Variants in PSMA1 observed in about 807,000 individuals in gnomAD.
PSMA1 encodes the protein proteasome 20S subunit alpha 1, also known as proteasome subunit alpha type-1.
Under a neutral mutation model 38.4 loss-of-function variants are expected in PSMA1, and 3 were observed. That is an observed-to-expected ratio of 0.08 (90% confidence interval 0.04 to 0.20). PSMA1 has a LOEUF of 0.20. Among genes scored for constraint, PSMA1 ranks in the 10% least tolerant of loss-of-function variants. PSMA1 has a pLI of 1.00. For missense variants in PSMA1, 227 were observed against 325.3 expected (o/e 0.70, Z 2.32); for synonymous variants, 101 against 107.1 (o/e 0.94, Z 0.35).
At chr11:14,631,118 T>A (rs1267537486) in intron 1 of PSMA1, among the ~76,000 whole-genome samples, 3 of 152,044 alleles carry the variant, frequency 2.0e-5, no homozygotes, top group Non-Finnish European at 4.4e-5. Context: ...AAAAACCAGC[T>A]CCTGGATTCA....
At chr11:14,541,365 A>G (rs1851771531) in intron 2 of PSMA1, among the ~76,000 whole-genome samples, 1 of 152,164 alleles carries the variant, frequency 6.6e-6, no homozygotes, top group Non-Finnish European at 1.5e-5. Flanking sequence ...GGCTCAGTCT[A>G]TTCACCTAAG....
intron 9 of PSMA1, among the ~76,000 whole-genome samples, chr11:14,505,653 A>AC (rs1851233529): frequency 3.3e-5 from 5 of 152,018 alleles, no homozygotes; most frequent in Non-Finnish European, 7.3e-5. Flanking sequence ...GCCTAGAAAT[A>AC]TAAAAAAAAA....
rs113123522 is a variant in PSMA1, at chr11:14,545,878, T to C, written c.22-26837A>G. 6.4e-3 allele frequency among the ~76,000 whole-genome samples: 981 copies of C among 152,258 alleles called. 18 individuals carry two copies. Among genetic ancestry groups the C allele is most frequent in the African/African-American group, 0.023 (939 of 41,522 alleles). ...CCATGTGCCAATCTAAGCCTACACA[T>C]AGGAAGAGGTGAAAGATAGGGCAGA... On this transcript the variant is annotated intron_variant, in intron 2 of 10. Transcript: ENST00000418988.
intron 8 of PSMA1, among the ~76,000 whole-genome samples, chr11:14,509,296 C>G (rs1851300340): frequency 6.6e-6 from 1 of 152,110 alleles, no homozygotes; most frequent in Non-Finnish European, 1.5e-5. Context: ...TGGAGACATT[C>G]CCCCCTCACA....
At chr11:14,575,056 G>T (rs1852195255) in intron 2 of PSMA1, among the ~76,000 whole-genome samples, 1 of 152,080 alleles carries the variant, frequency 6.6e-6, no homozygotes, top group Non-Finnish European at 1.5e-5. Flanking sequence ...TAGTGATATG[G>T]ACAATGAAGT....
At chr11:14,638,565 ATATATATATATATATATATATTTTT>A in intron 1 of PSMA1, among the ~76,000 whole-genome samples, 1 of 14,220 alleles carries the variant, frequency 7.0e-5, no homozygotes, top group East Asian at 1.4e-3. Flanking sequence ...ATATATATAT[ATATATATATATATATATATATTTTT>A]TTTTTTTTTT....
At chr11:14,592,642 C>T (rs1852438007) in intron 2 of PSMA1, among the ~76,000 whole-genome samples, 1 of 152,146 alleles carries the variant, frequency 6.6e-6, no homozygotes, top group African/African-American at 2.4e-5. Flanking sequence ...GCCTGGGCCT[C>T]CCAAAGTGCT....
chr11:14,565,440 C>T (rs1025398385), intron 2 of PSMA1, among the ~76,000 whole-genome samples: 11 of 152,138 alleles, frequency 7.2e-5, no homozygotes, highest in East Asian at 3.9e-4. Flanking sequence ...TTATTTTATT[C>T]GCTTTTTCTA....
chr11:14,562,060 C>T (rs533449859), intron 2 of PSMA1, among the ~76,000 whole-genome samples: 20 of 152,216 alleles, frequency 1.3e-4, no homozygotes, highest in African/African-American at 4.6e-4. Flanking sequence ...TTCAGGAAGC[C>T]GCTTCTACCT....
At chr11:14,612,303 T>C (rs1852719304) in intron 1 of PSMA1, among the ~76,000 whole-genome samples, 1 of 152,236 alleles carries the variant, frequency 6.6e-6, no homozygotes, top group African/African-American at 2.4e-5. Context: ...TTAAATATTA[T>C]GTAGTGTAAC....
At chr11:14,636,241 G>A (rs1853111824) in intron 1 of PSMA1, among the ~76,000 whole-genome samples, 1 of 152,052 alleles carries the variant, frequency 6.6e-6, no homozygotes, top group Non-Finnish European at 1.5e-5. Flanking sequence ...TTCCACATAA[G>A]GTTGACAATG....
rs1006162831 is a variant in PSMA1, at chr11:14,629,417, A to C, written c.-166+14038T>G. On this transcript the variant is annotated intron_variant, in intron 1 of 10. Transcript: ENST00000418988. Reference sequence around the variant, plus strand: ...CCAGTTTTTCCAGCACCATTTATTAAATAGGGAATCCTTTCCCCATTGCTT... The same window carrying C: ...CCAGTTTTTCCAGCACCATTTATTACATAGGGAATCCTTTCCCCATTGCTT... Among the ~76,000 whole-genome samples, 710 of 152,260 alleles carry C rather than the reference A, an allele frequency of 4.7e-3. 2 individuals carry two copies. Among genetic ancestry groups the C allele is most frequent in the African/African-American group, 0.016 (685 of 41,524 alleles).
At chr11:14,558,150 C>G (rs376156998) in intron 2 of PSMA1, among the ~76,000 whole-genome samples, 14 of 146,790 alleles carry the variant, frequency 9.5e-5, no homozygotes, top group African/African-American at 3.3e-4. Context: ...TGGTGGCTCA[C>G]GGCTGTAATC....
At chr11:14,551,436 A>AG (rs1446984913) in intron 2 of PSMA1, among the ~76,000 whole-genome samples, 2 of 152,164 alleles carry the variant, frequency 1.3e-5, no homozygotes, top group African/African-American at 4.8e-5. Context: ...ATTTGATGGA[A>AG]GGGGTGGTGA....
chr11:14,554,987 C>T (rs750789130), intron 2 of PSMA1, among the ~76,000 whole-genome samples: 29 of 152,214 alleles, frequency 1.9e-4, no homozygotes, highest in Non-Finnish European at 3.2e-4. Context: ...GTTGCTTTTA[C>T]TGAGCACTGC....
At chr11:14,584,489 GTGTTTTTTTTGTTTTT>G (rs1486799181) in intron 2 of PSMA1, among the ~76,000 whole-genome samples, 4 of 148,394 alleles carry the variant, frequency 2.7e-5, no homozygotes, top group African/African-American at 5.0e-5. Context: ...ATGGTTTGGA[GTGTTTTTTTTGTTTTT>G]TGTTTTTTTT....
At chr11:14,628,509 T>C (rs931286483) in intron 1 of PSMA1, among the ~76,000 whole-genome samples, 3 of 150,946 alleles carry the variant, frequency 2.0e-5, no homozygotes, top group African/African-American at 4.9e-5. Context: ...TCCTTTTTTA[T>C]GGCTGCATAG....
chr11:14,557,024 G>C (rs1285481267), intron 2 of PSMA1, among the ~76,000 whole-genome samples: 1 of 152,000 alleles, frequency 6.6e-6, no homozygotes, highest in Non-Finnish European at 1.5e-5. Flanking sequence ...TGTAGAGATG[G>C]GGGTATCACT....
chr11:14,604,227 T>C (rs1290450068), intron 2 of PSMA1, among the ~76,000 whole-genome samples: 1 of 152,046 alleles, frequency 6.6e-6, no homozygotes, highest in Non-Finnish European at 1.5e-5. Context: ...GCCCGGCTAA[T>C]TTTTTTGTAT....
Sources: allele counts gnomAD v4.1 joint callset (sites outside exome capture counted in the v4.1 genomes callset), GRCh38; gene constraint gnomAD v4.1.1; transcripts MANE v1.5; gene names NCBI Gene and HGNC (gene_info 2026-07-23, HGNC 2026-07-21).